The following COP1 variants were observed in gnomAD, a reference collection of about 807,000 sequenced individuals.
COP1 encodes COP1 E3 ubiquitin ligase.
COP1 carries 24 observed loss-of-function variants against 101.3 expected under a neutral mutation model. The ratio of observed to expected loss-of-function variants is 0.24; its 90% CI spans 0.17 to 0.33. The LOEUF is 0.33. Ranked by LOEUF, COP1 falls within the 10% of genes least tolerant of loss-of-function variation. The pLI is 1.00. For synonymous variants in COP1, 347 were observed against 341.9 expected, an observed-to-expected ratio of 1.01 and a Z score of -0.17; for missense variants, 663 against 906.2, an observed-to-expected ratio of 0.73 and a Z score of 3.45.
At chr1:176,004,740 G>A (rs143741566) in intron 15 of COP1, among the ~76,000 whole-genome samples, 67 of 145,632 alleles carry the variant, frequency 4.6e-4, no homozygotes, top group African/African-American at 1.5e-3. Flanking sequence ...GATGTGCTGC[G>A]GGATTCGTTT....
At chr1:176,146,552 T>C (rs1268289019) in intron 6 of COP1, among the ~76,000 whole-genome samples, 11 of 152,336 alleles carry the variant, frequency 7.2e-5, no homozygotes, top group Middle Eastern at 3.4e-3. Context: ...TAGTGAGCTA[T>C]CCTATGGAGA....
intron 3 of COP1, among the ~76,000 whole-genome samples, chr1:176,174,738 C>T (rs1344462471): frequency 1.3e-5 from 2 of 152,136 alleles, no homozygotes; most frequent in African/African-American, 4.8e-5. Context: ...GAATCTAATA[C>T]AAAAGTAGTC....
At chr1:176,120,075 CAT>C (rs2149623064) in intron 8 of COP1, among the ~76,000 whole-genome samples, 1 of 152,214 alleles carries the variant, frequency 6.6e-6, no homozygotes, top group Non-Finnish European at 1.5e-5. Context: ...ACTTTGTAGA[CAT>C]ATTTTAAAGA....
intron 1 of COP1, among the ~76,000 whole-genome samples, chr1:176,196,608 G>T (rs1179832405): frequency 1.3e-5 from 2 of 152,152 alleles, no homozygotes; most frequent in Non-Finnish European, 2.9e-5. Flanking sequence ...CAAAGGGAAG[G>T]AGTGAAATCA....
chr1:176,004,729 T>C (rs1662660309), intron 15 of COP1, among the ~76,000 whole-genome samples: 1 of 148,626 alleles, frequency 6.7e-6, no homozygotes, highest in African/African-American at 2.4e-5. Flanking sequence ...ATAAGCTTTT[T>C]GATGTGCTGC....
chr1:176,028,550 T>A (rs1267117355), intron 14 of COP1, among the ~76,000 whole-genome samples: 4 of 142,212 alleles, frequency 2.8e-5, no homozygotes, highest in Admixed American at 7.0e-5. Context: ...TGAAATGAAA[T>A]GAAATAAAAA....
chr1:176,191,432 T>G (rs1283672773), intron 1 of COP1, among the ~76,000 whole-genome samples: 3 of 152,032 alleles, frequency 2.0e-5, no homozygotes, highest in Admixed American at 6.6e-5. Context: ...ATGGAAATGT[T>G]TCTTCCTTCT....
In COP1 at chr1:176,055,603, T is replaced by C. The variant is rs977058725; in HGVS notation, c.1278-9279A>G. 3.3e-5 allele frequency among the ~76,000 whole-genome samples: 5 copies of C among 151,744 alleles called. 1 individual carries two copies. The East Asian group carries it at 9.7e-4, about 29-fold the overall frequency. On this transcript the variant is annotated intron_variant, in intron 11 of 19. Coordinates refer to ENST00000367669, the MANE Select transcript of COP1 (RefSeq NM_022457.7). ...AAGTGTTTGTCTCCCAAACCAGACC[T>C]CTCTCTACACTACTGCCTCATGTCT...
At chr1:175,982,005 TA>T (rs772707650) in intron 18 of COP1, among the ~76,000 whole-genome samples, 1 of 151,824 alleles carries the variant, frequency 6.6e-6, no homozygotes, top group African/African-American at 2.4e-5. Flanking sequence ...TGGGGTGTGT[TA>T]AAAAAAGATG....
chr1:175,956,129 G>A (rs959434143), intron 18 of COP1, among the ~76,000 whole-genome samples: 1 of 152,030 alleles, frequency 6.6e-6, no homozygotes, highest in African/African-American at 2.4e-5. Flanking sequence ...AATCAATACA[G>A]TGTAGTATTA....
At chr1:175,953,968 A>C (rs1650285017) in intron 18 of COP1, among the ~76,000 whole-genome samples, 1 of 152,208 alleles carries the variant, frequency 6.6e-6, no homozygotes, top group South Asian at 2.1e-4. Flanking sequence ...TGACATTTAC[A>C]GAAAGTTTTA....
At chr1:176,201,183 T>A (rs977890290) in intron 1 of COP1, among the ~76,000 whole-genome samples, 7 of 152,132 alleles carry the variant, frequency 4.6e-5, no homozygotes, top group Middle Eastern at 3.4e-3. Context: ...TATTCTAAAA[T>A]TCGAAAACAA....
At chr1:175,960,612 T>C (rs1476565508) in intron 18 of COP1, among the ~76,000 whole-genome samples, 2 of 152,130 alleles carry the variant, frequency 1.3e-5, no homozygotes, top group Non-Finnish European at 1.5e-5. Context: ...GAAGACTGTT[T>C]AGTAATAATA....
At chr1:175,958,603 C>G (rs1234814349) in intron 18 of COP1, among the ~76,000 whole-genome samples, 1 of 151,826 alleles carries the variant, frequency 6.6e-6, no homozygotes, top group Non-Finnish European at 1.5e-5. Flanking sequence ...AGAATATAAC[C>G]CTTCTTTAAA....
chr1:176,161,208 T>C (rs1018090207), intron 5 of COP1, among the ~76,000 whole-genome samples: 20 of 152,222 alleles, frequency 1.3e-4, no homozygotes, highest in African/African-American at 4.6e-4. Flanking sequence ...TTTTATTTAT[T>C]TTTGCCTCTT....
At chr1:175,997,103 C>T (rs1349635927) in intron 15 of COP1, among the ~76,000 whole-genome samples, 6 of 152,032 alleles carry the variant, frequency 3.9e-5, no homozygotes, top group Admixed American at 1.3e-4. Context: ...CGCGTACCTA[C>T]AACTATCTGA....
chr1:176,151,385 GAAAGAA>G (rs1260446395), intron 5 of COP1, among the ~76,000 whole-genome samples: 3 of 116,318 alleles, frequency 2.6e-5, no homozygotes, highest in African/African-American at 7.9e-5. Context: ...AAGAAAGAAA[GAAAGAA>G]AGAAAGAAAG....
chr1:176,120,742 CAT>C (rs901572260), intron 8 of COP1, among the ~76,000 whole-genome samples: 23 of 152,126 alleles, frequency 1.5e-4, no homozygotes, highest in African/African-American at 5.6e-4. Context: ...GTCAATTTCA[CAT>C]ATGAGGTATA....
rs1699183809 is a variant in COP1 at position 176,192,213 on chromosome 1, TCA to T, written c.408-7523_408-7522del. On this transcript the variant is annotated intron_variant, in intron 1 of 19. Transcript: ENST00000367669. ...GATCTCTTCCTGGATTTTATTCCATTCACACACTCCCAAGGCTCCTGCCCAAA... is the reference window on the plus strand; with the variant it reads ...GATCTCTTCCTGGATTTTATTCCATTCACACTCCCAAGGCTCCTGCCCAAA... 2.6e-5 allele frequency among the ~76,000 whole-genome samples: 4 copies of T among 152,270 alleles called. No individual in the cohort carries two copies. The South Asian group carries it at 8.3e-4, about 32-fold the overall frequency.
Sources: allele counts gnomAD v4.1 joint callset (sites outside exome capture counted in the v4.1 genomes callset), GRCh38; gene constraint gnomAD v4.1.1; transcripts MANE v1.5; gene names NCBI Gene and HGNC (gene_info 2026-07-23, HGNC 2026-07-21).